ALX4: variants seen among roughly 807,000 people sequenced by gnomAD.
ALX4 encodes the protein homeobox protein aristaless-like 4.
A neutral mutation model predicts 40.6 loss-of-function variants in ALX4; 22 were observed. That is an observed-to-expected ratio of 0.54 (90% CI 0.39 to 0.77). The LOEUF is 0.77. Ranked by LOEUF, ALX4 falls within the 30% of genes least tolerant of loss-of-function variation. The pLI is 0.00. For missense variants in ALX4, 556 were observed against 564.8 expected, an observed-to-expected ratio of 0.98 and a Z score of 0.16; for synonymous variants, 266 against 240.5, an observed-to-expected ratio of 1.11 and a Z score of -0.98.
chr11:44,292,971 A>G (rs1198193037), intron 1 of ALX4, among the ~76,000 whole-genome samples: 3 of 151,654 alleles, frequency 2.0e-5, no homozygotes, highest in African/African-American at 4.9e-5. Context: ...TGGTGGCACA[A>G]GCCTGTAGTC....
chr11:44,283,498 G>A (rs983533157), intron 1 of ALX4, among the ~76,000 whole-genome samples: 1 of 152,204 alleles, frequency 6.6e-6, no homozygotes, highest in African/African-American at 2.4e-5. Context: ...TTCAACAATA[G>A]GGGATTGGTT....
chr11:44,293,241 C>T (rs572868859), intron 1 of ALX4, among the ~76,000 whole-genome samples: 2 of 151,578 alleles, frequency 1.3e-5, no homozygotes, highest in African/African-American at 2.4e-5. Context: ...TTGACTTCTG[C>T]TCATCTGAAC....
chr11:44,306,039 G>T (rs1956465505), intron 1 of ALX4, among the ~76,000 whole-genome samples: 1 of 152,242 alleles, frequency 6.6e-6, no homozygotes, highest in South Asian at 2.1e-4. Context: ...TCTCCAACCC[G>T]ACATGTCTCC....
chr11:44,292,230 T>G (rs908355038), intron 1 of ALX4, among the ~76,000 whole-genome samples: 2 of 149,962 alleles, frequency 1.3e-5, no homozygotes, highest in African/African-American at 4.9e-5. Context: ...TAAGATTGCT[T>G]TTTTTTTTTC....
At chr11:44,307,166 G>T (rs1358276689) in intron 1 of ALX4, among the ~76,000 whole-genome samples, 2 of 152,130 alleles carry the variant, frequency 1.3e-5, no homozygotes, top group African/African-American at 4.8e-5. Context: ...ATGTGGGTGG[G>T]GGTTGGGAGG....
chr11:44,294,979 AG>A (rs546365005), intron 1 of ALX4, among the ~76,000 whole-genome samples: 63 of 151,872 alleles, frequency 4.1e-4, no homozygotes, highest in African/African-American at 1.5e-3. Flanking sequence ...CCTCCCTAGT[AG>A]CTGGGATTAC....
chr11:44,272,041 C>G (rs1424497170), intron 2 of ALX4, among the ~76,000 whole-genome samples: 1 of 152,216 alleles, frequency 6.6e-6, no homozygotes, highest in African/African-American at 2.4e-5. Flanking sequence ...TGCTGGAGAT[C>G]AGGCTAGATG....
At chr11:44,267,452 A>C in intron 3 of ALX4, 42 bp downstream of exon 3, 1 of 1,610,934 alleles carries the variant, frequency 6.2e-7, no homozygotes, top group East Asian at 2.2e-5. Flanking sequence ...TCAGAGCACC[A>C]GGGGCTGGGG....
chr11:44,267,441 C>T, intron 3 of ALX4, 53 bp downstream of exon 3: 1 of 1,608,216 alleles, frequency 6.2e-7, no homozygotes, highest in East Asian at 2.2e-5. Context: ...GGGGCTCATT[C>T]TCAGAGCACC....
At chr11:44,276,556 A>G (rs1956279351) in intron 1 of ALX4, among the ~76,000 whole-genome samples, 1 of 152,192 alleles carries the variant, frequency 6.6e-6, no homozygotes, top group African/African-American at 2.4e-5. Flanking sequence ...CTGGGGTGGG[A>G]GAGTGAGGCA....
rs772303422 is a variant in ALX4, at chr11:44,310,099, G to C, written c.-37C>G. On this transcript the variant is annotated 5_prime_UTR_variant, in exon 1 of 4. Transcript: ENST00000652299. ...GCAGGCGGCGGGCGGGGACGCGAGC[G>C]AGGGCGCGAGGACGCCACCGCGCGC... is the stretch of plus-strand genomic sequence containing the variant. 4 of 1,542,808 alleles carry C rather than the reference G, an allele frequency of 2.6e-6. No individual in the cohort carries two copies. The highest frequency in any genetic ancestry group is 2.7e-5 in the African/African-American group (2 of 73,362).
At chr11:44,270,259 A>G (rs1260030221) in intron 2 of ALX4, among the ~76,000 whole-genome samples, 4 of 152,122 alleles carry the variant, frequency 2.6e-5, no homozygotes, top group Non-Finnish European at 5.9e-5. Context: ...GGGAGAGGCC[A>G]GCAGAGCTAG....
At chr11:44,301,923 C>T (rs545639103) in intron 1 of ALX4, among the ~76,000 whole-genome samples, 6 of 152,292 alleles carry the variant, frequency 3.9e-5, no homozygotes, top group South Asian at 4.2e-4. Flanking sequence ...ACGGCCTCGC[C>T]GCAGTGTGGG....
intron 1 of ALX4, among the ~76,000 whole-genome samples, chr11:44,309,180 TCGCAGCCCCGCAGCCCCGCA>T (rs1956488985): frequency 2.2e-5 from 3 of 138,660 alleles, no homozygotes; most frequent in Non-Finnish European, 3.2e-5. Flanking sequence ...CCCCGCAGCC[TCGCAGCCCCGCAGCCCCGCA>T]GCCCCGCAGC....
chr11:44,302,312 G>A (rs1035521563), intron 1 of ALX4, among the ~76,000 whole-genome samples: 13 of 152,256 alleles, frequency 8.5e-5, no homozygotes, highest in South Asian at 2.1e-4. Context: ...ATAGCAGGAC[G>A]TGGACCCAGA....
At chr11:44,299,175 T>G (rs546423185) in intron 1 of ALX4, among the ~76,000 whole-genome samples, 21 of 152,240 alleles carry the variant, frequency 1.4e-4, no homozygotes, top group African/African-American at 5.1e-4. Flanking sequence ...ATACCAGCTA[T>G]GAGGCCCTAT....
chr11:44,269,652 A>G (rs1188018977), intron 2 of ALX4, among the ~76,000 whole-genome samples: 1 of 152,144 alleles, frequency 6.6e-6, no homozygotes, highest in African/African-American at 2.4e-5. Flanking sequence ...CTGGCCTCCC[A>G]GGGCCCCTTT....
chr11:44,267,084 CG>C (rs772218879), intron 3 of ALX4, among the ~76,000 whole-genome samples: 9 of 152,168 alleles, frequency 5.9e-5, no homozygotes, highest in Non-Finnish European at 1.0e-4. Flanking sequence ...CCTAAGTCCC[CG>C]GACTCAGAAT....
intron 1 of ALX4, among the ~76,000 whole-genome samples, chr11:44,299,018 T>C (rs1157465498): frequency 2.6e-5 from 4 of 152,168 alleles, no homozygotes; most frequent in Non-Finnish European, 5.9e-5. Flanking sequence ...CTGGGGAAAG[T>C]TGGAATCAAA....
Sources: allele counts gnomAD v4.1 joint callset (sites outside exome capture counted in the v4.1 genomes callset), GRCh38; gene constraint gnomAD v4.1.1; transcripts MANE v1.5; gene names NCBI Gene and HGNC (gene_info 2026-07-23, HGNC 2026-07-21).